The following MTDH variants were observed in gnomAD, a reference collection of about 807,000 sequenced individuals.
MTDH encodes metadherin.
Under a neutral mutation model 72.7 loss-of-function variants are expected in MTDH, and 34 were observed. That is an observed-to-expected ratio of 0.47 (90% CI 0.36 to 0.62). The LOEUF is 0.62. Among genes scored for constraint, MTDH ranks in the 20% least tolerant of loss-of-function variants. MTDH has a pLI of 0.00. For missense variants in MTDH, 677 were observed against 699.4 expected, an observed-to-expected ratio of 0.97 and a Z score of 0.36; for synonymous variants, 266 against 268.9, an observed-to-expected ratio of 0.99 and a Z score of 0.10.
intron 6 of MTDH, among the ~76,000 whole-genome samples, chr8:97,697,646 A>C (rs1813921718): frequency 6.6e-6 from 1 of 151,622 alleles, no homozygotes; most frequent in African/African-American, 2.4e-5. Context: ...TGGCCTCCCA[A>C]AGTGCTGGGA....
chr8:97,686,378 A>T (rs1166000004), intron 2 of MTDH, among the ~76,000 whole-genome samples: 2 of 152,200 alleles, frequency 1.3e-5, no homozygotes, highest in African/African-American at 4.8e-5. Context: ...AATATTTAAC[A>T]TCTCTAAGTT....
intron 2 of MTDH, among the ~76,000 whole-genome samples, chr8:97,665,594 CTT>C (rs889859497): frequency 6.6e-5 from 10 of 152,096 alleles, no homozygotes; most frequent in Middle Eastern, 3.4e-3. Context: ...TAATTAGTCT[CTT>C]AAGTATAGGA....
intron 2 of MTDH, among the ~76,000 whole-genome samples, chr8:97,666,062 A>T (rs1005379474): frequency 1.3e-5 from 2 of 148,894 alleles, no homozygotes; most frequent in Non-Finnish European, 3.0e-5. Flanking sequence ...CAGGAGGCGG[A>T]GCTTGCAGTG....
intron 7 of MTDH, among the ~76,000 whole-genome samples, chr8:97,700,418 T>C (rs374549715): frequency 1.3e-5 from 2 of 152,208 alleles, no homozygotes; most frequent in Non-Finnish European, 1.5e-5. Context: ...CCTTTTTTAC[T>C]ATTTACTGTT....
intron 9 of MTDH, among the ~76,000 whole-genome samples, chr8:97,718,040 GCACCCGGCCTAATTTT>G (rs1814945502): frequency 6.7e-6 from 1 of 150,230 alleles, no homozygotes; most frequent in Admixed American, 6.6e-5. Context: ...ATGAGCCACA[GCACCCGGCCTAATTTT>G]TGTATTTTTA....
At chr8:97,653,627 T>C (rs1352627882) in intron 1 of MTDH, among the ~76,000 whole-genome samples, 3 of 152,206 alleles carry the variant, frequency 2.0e-5, no homozygotes, top group Non-Finnish European at 4.4e-5. Context: ...ATAAACCCTA[T>C]GAACATTCAT....
intron 7 of MTDH, 190 bp from the exon 8 acceptor site, chr8:97,706,436 A>C: frequency 2.6e-6 from 1 of 379,546 alleles, no homozygotes; most frequent in Middle Eastern, 7.6e-4. Flanking sequence ...TAACCATATG[A>C]TATGCTTAGC....
At position 97,726,991 on chromosome 8, in the gene MTDH, T is replaced by C. The variant is rs1443290163; in HGVS notation, c.*2321T>C. 6.7e-6 allele frequency: 1 copy of C among 150,348 alleles called. No homozygotes were observed. The allele number at this position is 150,348 out of a possible 1,614,324, so 9.3% of individuals were successfully genotyped here. A position where few individuals can be genotyped will look rare whatever the true frequency, so the allele number is the denominator to read the frequency against. On this transcript the variant is annotated 3_prime_UTR_variant, in exon 12 of 12. Transcript: ENST00000336273. Reference sequence around the variant, plus strand: ...CTACTCAGGAGGCTAAGGCAGAGAATCATTTGAACCCAGGAGACGGAGTTT... The same window carrying C: ...CTACTCAGGAGGCTAAGGCAGAGAACCATTTGAACCCAGGAGACGGAGTTT...
At chr8:97,709,765 G>T (rs1814544931) in intron 8 of MTDH, among the ~76,000 whole-genome samples, 1 of 152,156 alleles carries the variant, frequency 6.6e-6, no homozygotes, top group South Asian at 2.1e-4. Context: ...TTACCATTAG[G>T]AAGGTACTGT....
intron 1 of MTDH, among the ~76,000 whole-genome samples, chr8:97,653,529 T>C (rs1811853181): frequency 6.6e-6 from 1 of 152,228 alleles, no homozygotes; most frequent in African/African-American, 2.4e-5. Flanking sequence ...CTTTTCATTC[T>C]GCCAGAGGCC....
intron 11 of MTDH, 53 bp from the exon 12 acceptor site, chr8:97,724,547 G>C: frequency 1.6e-6 from 2 of 1,235,306 alleles, no homozygotes; most frequent in Admixed American, 4.7e-5. Flanking sequence ...AGACGTAACA[G>C]TATTTACCAT....
chr8:97,694,705 T>C (rs1586255752), intron 6 of MTDH, among the ~76,000 whole-genome samples: 1 of 152,156 alleles, frequency 6.6e-6, no homozygotes, highest in South Asian at 2.1e-4. Flanking sequence ...GCAGATCGCC[T>C]GAGCCCAGGA....
intron 5 of MTDH, among the ~76,000 whole-genome samples, chr8:97,690,416 G>T (rs1481296230): frequency 6.6e-6 from 1 of 152,162 alleles, no homozygotes; most frequent in African/African-American, 2.4e-5. Context: ...ACACATATAT[G>T]TAAAAAGAAA....
At chr8:97,665,823 G>A (rs969130573) in intron 2 of MTDH, among the ~76,000 whole-genome samples, 2 of 152,152 alleles carry the variant, frequency 1.3e-5, no homozygotes, top group Admixed American at 6.6e-5. Context: ...AATCAGTTTT[G>A]CATCTCTGAT....
intron 9 of MTDH, among the ~76,000 whole-genome samples, chr8:97,716,750 G>A (rs1165909977): frequency 6.6e-6 from 1 of 152,100 alleles, no homozygotes; most frequent in Non-Finnish European, 1.5e-5. Context: ...CTGTGGTCAG[G>A]CTGGAATGCA....
intron 5 of MTDH, among the ~76,000 whole-genome samples, chr8:97,690,232 C>G (rs1299989736): frequency 6.6e-6 from 1 of 151,988 alleles, no homozygotes; most frequent in Non-Finnish European, 1.5e-5. Context: ...CTCAGGTCAT[C>G]TGCCTGCCCC....
intron 1 of MTDH, among the ~76,000 whole-genome samples, chr8:97,646,740 A>C (rs1293727545): frequency 6.6e-6 from 1 of 152,202 alleles, no homozygotes; most frequent in Non-Finnish European, 1.5e-5. Context: ...CGAGTTAAGG[A>C]AGTGGGGAGT....
In MTDH at chr8:97,724,586, C is replaced by G. The variant is rs1216622090; in HGVS notation, c.1679-14C>G. 1 of 1,574,510 alleles carries G rather than the reference C, an allele frequency of 6.4e-7. No homozygotes were observed. Among genetic ancestry groups the G allele is most frequent in the Non-Finnish European group, 8.6e-7 (1 of 1,167,564 alleles). Reference sequence around the variant, plus strand: ...CCTAATTTTTTTCTTCGTTTTCCCCCTTTTCTTTTTTAGCCAAGTCTGAAA... The same window carrying G: ...CCTAATTTTTTTCTTCGTTTTCCCCGTTTTCTTTTTTAGCCAAGTCTGAAA... On this transcript the variant is annotated splice_polypyrimidine_tract_variant and intron_variant, in intron 11 of 11. Transcript: ENST00000336273.
chr8:97,663,058 A>G (rs530371993), intron 2 of MTDH, among the ~76,000 whole-genome samples: 1 of 152,232 alleles, frequency 6.6e-6, no homozygotes, highest in Non-Finnish European at 1.5e-5. Flanking sequence ...TAGAGTGACT[A>G]GTTGATATGC....
Sources: allele counts gnomAD v4.1 joint callset (sites outside exome capture counted in the v4.1 genomes callset), GRCh38; gene constraint gnomAD v4.1.1; transcripts MANE v1.5; gene names NCBI Gene and HGNC (gene_info 2026-07-23, HGNC 2026-07-21).